Variants in CATSPERB observed in about 807,000 individuals in gnomAD.
CATSPERB encodes cation channel sperm-associated auxiliary subunit beta.
CATSPERB carries 93 observed loss-of-function variants against 128.3 expected under a neutral mutation model. The ratio of observed to expected loss-of-function variants is 0.72; its 90% CI spans 0.61 to 0.86. CATSPERB has a LOEUF of 0.86. Ranked by LOEUF, CATSPERB falls within the 40% of genes least tolerant of loss-of-function variation. The pLI, the probability that CATSPERB is intolerant of heterozygous loss-of-function variation, is 0.00. For missense variants in CATSPERB, 1,153 were observed against 1,329.5 expected, an observed-to-expected ratio of 0.87 and a Z score of 2.06; for synonymous variants, 381 against 448.8, an observed-to-expected ratio of 0.85 and a Z score of 1.91.
At chr14:91,606,558 G>A (rs146043844) in intron 22 of CATSPERB, among the ~76,000 whole-genome samples, 9 of 152,342 alleles carry the variant, frequency 5.9e-5, no homozygotes, top group Admixed American at 2.0e-4. Flanking sequence ...GCGATACTCC[G>A]TCTCAAAACT....
intron 11 of CATSPERB, among the ~76,000 whole-genome samples, chr14:91,675,502 G>C (rs559561473): frequency 6.6e-6 from 1 of 152,324 alleles, no homozygotes; most frequent in African/African-American, 2.4e-5. Flanking sequence ...GTAGCTGCTT[G>C]CGACATTGTC....
At chr14:91,688,556 TTTGCTCACCTG>T (rs1895414099) in intron 10 of CATSPERB, among the ~76,000 whole-genome samples, 1 of 152,180 alleles carries the variant, frequency 6.6e-6, no homozygotes, top group Non-Finnish European at 1.5e-5. Flanking sequence ...TGAAAACTCT[TTTGCTCACCTG>T]TTAGCCCTTC....
At chr14:91,651,713 G>T (rs1221685548) in intron 15 of CATSPERB, among the ~76,000 whole-genome samples, 1 of 152,158 alleles carries the variant, frequency 6.6e-6, no homozygotes, top group African/African-American at 2.4e-5. Context: ...CAGTGTCTGT[G>T]GAGGGCAAGA....
At position 91,609,694 on chromosome 14, in the gene CATSPERB, C is replaced by G. The variant is rs1390071672; in HGVS notation, c.2598+786G>C. 2.6e-5 allele frequency among the ~76,000 whole-genome samples: 4 copies of G among 151,890 alleles called. 1 individual carries two copies. The East Asian group carries it at 7.7e-4, about 29-fold the overall frequency. On this transcript the variant is annotated intron_variant, in intron 21 of 26. Coordinates refer to ENST00000256343, the MANE Select transcript of CATSPERB (RefSeq NM_024764.4). ...TATATTTTATGCATTCATGACATAT[C>G]CAACTTTTTATTAATTTTTTAGATA... is the stretch of plus-strand genomic sequence containing the variant.
At chr14:91,652,493 T>C (rs1167580501) in intron 15 of CATSPERB, among the ~76,000 whole-genome samples, 31 of 136,124 alleles carry the variant, frequency 2.3e-4, no homozygotes, top group Non-Finnish European at 3.6e-4. Context: ...ACCCTGTCTC[T>C]ACTAACAATA....
Position 91,592,456 on chromosome 14 carries a change from C to T in CATSPERB, c.2710-454G>A, listed in dbSNP as rs143789067. 3.9e-4 allele frequency: 66 copies of T among 167,984 alleles called. 1 individual carries two copies. In the East Asian group the frequency reaches 0.011, roughly 27 times the overall value. The allele number at this position is 167,984 out of a possible 1,614,324, so 10.4% of individuals were successfully genotyped here. ...TTGATATTTTAAATCTCCACTATAT[C>T]TGCCCATTTGTCATTCATTTATACT... On this transcript the variant is annotated intron_variant, in intron 22 of 26. Coordinates refer to ENST00000256343, the MANE Select transcript of CATSPERB (RefSeq NM_024764.4).
chr14:91,603,029 G>T, intron 22 of CATSPERB: 1 of 778,748 alleles, frequency 1.3e-6, no homozygotes, highest in South Asian at 1.3e-5. Flanking sequence ...ATTAGTGAGT[G>T]ATGTGCCTTT....
intron 11 of CATSPERB, among the ~76,000 whole-genome samples, chr14:91,674,631 T>C (rs1011454700): frequency 3.3e-5 from 5 of 152,216 alleles, no homozygotes; most frequent in African/African-American, 7.2e-5. Context: ...AAACATACTT[T>C]GGAATTTTGT....
At chr14:91,716,738 C>CACACAG (rs1566739689) in intron 5 of CATSPERB, among the ~76,000 whole-genome samples, 1 of 151,796 alleles carries the variant, frequency 6.6e-6, no homozygotes, top group East Asian at 1.9e-4. Context: ...CACACACACA[C>CACACAG]ACACACACAC....
chr14:91,589,448 A>G, intron 24 of CATSPERB, 86 bp downstream of exon 24: 1 of 1,341,042 alleles, frequency 7.5e-7, no homozygotes, highest in Non-Finnish European at 1.0e-6. Flanking sequence ...TTTTGTGTGA[A>G]CAGGCTTTGA....
intron 10 of CATSPERB, among the ~76,000 whole-genome samples, chr14:91,690,900 G>T (rs1273142123): frequency 6.6e-6 from 1 of 152,224 alleles, no homozygotes; most frequent in Non-Finnish European, 1.5e-5. Context: ...ATGGCAAATG[G>T]CTAGGAACAC....
At chr14:91,622,302 C>T (rs1894065008) in intron 18 of CATSPERB, among the ~76,000 whole-genome samples, 1 of 151,868 alleles carries the variant, frequency 6.6e-6, no homozygotes, top group Non-Finnish European at 1.5e-5. Flanking sequence ...GCCAGTTTCC[C>T]CAGTACCTAA....
At position 91,693,216 on chromosome 14, in the gene CATSPERB, C is replaced by T; in HGVS notation, c.741G>A (p.Met247Ile). The change falls in exon 9 of 27, where the codon ATG becomes ATA. Residue 247 changes from methionine to isoleucine, a missense_variant. Coordinates refer to ENST00000256343, the MANE Select transcript of CATSPERB (RefSeq NM_024764.4). Reference sequence around the variant, plus strand: ...TAACTAAAAAATGATTCGTTAAAACCATATCCACCAATGAAAGGTCTTCAT... The same window carrying T: ...TAACTAAAAAATGATTCGTTAAAACTATATCCACCAATGAAAGGTCTTCAT... Reference protein sequence around the residue: ...EEYEDLSLVDMVLTNHFLVIL... With the variant: ...EEYEDLSLVDIVLTNHFLVIL... 1 of 1,613,404 alleles carries T rather than the reference C, an allele frequency of 6.2e-7. No individual in the cohort carries two copies. Among genetic ancestry groups the T allele is most frequent in the East Asian group, 2.2e-5 (1 of 44,852 alleles).
rs769281077 is a variant in CATSPERB at position 91,674,232 on chromosome 14, A to T, written c.932-10T>A. ...ACTGTAACATAATCAACTGTGAAAT[A>T]AATACAAGGGTACAGGAATTATGAG... On this transcript the variant is annotated splice_polypyrimidine_tract_variant and intron_variant, in intron 11 of 26. Coordinates refer to ENST00000256343, the MANE Select transcript of CATSPERB (RefSeq NM_024764.4). 1.3e-6 allele frequency: 2 copies of T among 1,525,228 alleles called. No homozygotes were observed. The highest frequency in any genetic ancestry group is 1.2e-5 in the South Asian group (1 of 86,780). 94.5% of individuals were successfully genotyped at this position (1,525,228 alleles called of 1,614,324 possible).
chr14:91,606,821 G>A (rs1000013640), intron 22 of CATSPERB, among the ~76,000 whole-genome samples: 1 of 152,078 alleles, frequency 6.6e-6, no homozygotes, highest in Non-Finnish European at 1.5e-5. Context: ...CATAAAAGAT[G>A]GGGTAGTAAT....
intron 4 of CATSPERB, among the ~76,000 whole-genome samples, chr14:91,721,626 G>A (rs1359491932): frequency 6.6e-6 from 1 of 152,076 alleles, no homozygotes; most frequent in African/African-American, 2.4e-5. Flanking sequence ...GAGGCTGGCG[G>A]ATCACAAGGT....
chr14:91,634,375 G>C (rs1006196295), intron 17 of CATSPERB, among the ~76,000 whole-genome samples: 1 of 152,030 alleles, frequency 6.6e-6, no homozygotes, highest in Non-Finnish European at 1.5e-5. Flanking sequence ...GACCTGCACA[G>C]TTCAAACCCA....
intron 15 of CATSPERB, among the ~76,000 whole-genome samples, chr14:91,653,352 T>C (rs1894739440): frequency 6.6e-6 from 1 of 152,198 alleles, no homozygotes; most frequent in African/African-American, 2.4e-5. Flanking sequence ...TAATAGTTCA[T>C]TGTTGAGGCA....
At chr14:91,629,587 T>C (rs1894235131) in intron 17 of CATSPERB, among the ~76,000 whole-genome samples, 1 of 152,210 alleles carries the variant, frequency 6.6e-6, no homozygotes, top group Non-Finnish European at 1.5e-5. Context: ...TGGTGTGGGA[T>C]GTGGATAGTG....
Sources: allele counts gnomAD v4.1 joint callset (sites outside exome capture counted in the v4.1 genomes callset), GRCh38; gene constraint gnomAD v4.1.1; transcripts MANE v1.5; gene names NCBI Gene and HGNC (gene_info 2026-07-23, HGNC 2026-07-21).